LRRTM4: variants seen among roughly 807,000 people sequenced by gnomAD.
LRRTM4 encodes leucine-rich repeat transmembrane neuronal protein 4.
A neutral mutation model predicts 47.6 loss-of-function variants in LRRTM4; 25 were observed. The observed-to-expected ratio is 0.53, with a 90% CI of 0.38 to 0.73. LRRTM4 has a LOEUF of 0.73. Ranked by LOEUF, LRRTM4 falls within the 30% of genes least tolerant of loss-of-function variation. The pLI is 0.00. For missense variants in LRRTM4, 638 were observed against 713.4 expected (o/e 0.89, Z 1.20); for synonymous variants, 311 against 269.5 (o/e 1.15, Z -1.51).
rs1006228318 is a variant in LRRTM4 at position 76,812,742 on chromosome 2, C to T, written c.1552-63826G>A. Among the ~76,000 whole-genome samples the T allele has an allele frequency of 3.8e-5, 5 of 132,212 alleles. 1 individual carries two copies. The South Asian group carries it at 1.3e-3, about 36-fold the overall frequency. 86.7% of individuals were successfully genotyped at this position (132,212 alleles called of 152,430 possible). A position where few individuals can be genotyped will look rare whatever the true frequency, so the allele number is the denominator to read the frequency against. ...TCTTTCTCTTTTTCTCCTCCTCCTC[C>T]TCCTCTCCCTCCTTCTCCTCCTCCT... On this transcript the variant is annotated intron_variant, in intron 3 of 3. Coordinates refer to ENST00000409884, the MANE Select transcript of LRRTM4 (RefSeq NM_001134745.3).
chr2:77,513,223 T>C (rs896320476), intron 3 of LRRTM4, among the ~76,000 whole-genome samples: 1 of 152,190 alleles, frequency 6.6e-6, no homozygotes, highest in Non-Finnish European at 1.5e-5. Flanking sequence ...GCTGCTCACC[T>C]GGGCACCCCA....
intron 3 of LRRTM4, among the ~76,000 whole-genome samples, chr2:77,030,416 G>A (rs1678613290): frequency 6.6e-6 from 1 of 152,190 alleles, no homozygotes; most frequent in Admixed American, 6.5e-5. Flanking sequence ...CTGGGTTACA[G>A]AGCGAGGCTC....
At chr2:77,451,687 G>A (rs1483868977) in intron 3 of LRRTM4, among the ~76,000 whole-genome samples, 2 of 152,142 alleles carry the variant, frequency 1.3e-5, no homozygotes, top group East Asian at 3.9e-4. Context: ...TGCAGTAGGT[G>A]AAAACAACTA....
intron 3 of LRRTM4, among the ~76,000 whole-genome samples, chr2:77,354,029 C>G (rs1242794542): frequency 6.6e-6 from 1 of 152,154 alleles, no homozygotes; most frequent in Non-Finnish European, 1.5e-5. Context: ...TTTATACCCA[C>G]TTTTAATTAC....
chr2:76,946,630 C>G (rs1675332162), intron 3 of LRRTM4, among the ~76,000 whole-genome samples: 1 of 151,742 alleles, frequency 6.6e-6, no homozygotes, highest in African/African-American at 2.4e-5. Flanking sequence ...ATAATTTCTG[C>G]ATTGCCAGCT....
In LRRTM4 at chr2:76,765,234, A is replaced by G. The variant is rs556856235; in HGVS notation, c.1552-16318T>C. Among the ~76,000 whole-genome samples the G allele has an allele frequency of 3.2e-4, 49 of 152,320 alleles. 1 individual carries two copies. In the South Asian group the frequency reaches 8.5e-3, roughly 26 times the overall value. On this transcript the variant is annotated intron_variant, in intron 3 of 3. Coordinates refer to ENST00000409884, the MANE Select transcript of LRRTM4 (RefSeq NM_001134745.3). ...TACTTTGGAAGCACGTAATTTGTGTAGTTTCTCAGTTCACAGCTAGAGAGA... is the reference window on the plus strand; with the variant it reads ...TACTTTGGAAGCACGTAATTTGTGTGGTTTCTCAGTTCACAGCTAGAGAGA...
intron 3 of LRRTM4, among the ~76,000 whole-genome samples, chr2:77,321,804 G>C (rs1042642150): frequency 6.6e-6 from 1 of 152,032 alleles, no homozygotes. Context: ...TCAAAAATAT[G>C]GCAAGGTATT....
chr2:77,049,541 T>G (rs1156346556), intron 3 of LRRTM4, among the ~76,000 whole-genome samples: 1 of 151,962 alleles, frequency 6.6e-6, no homozygotes, highest in East Asian at 1.9e-4. Flanking sequence ...TCTCTGATGA[T>G]TATTGATATT....
intron 3 of LRRTM4, among the ~76,000 whole-genome samples, chr2:76,807,429 TATATATA>T (rs1670533069): frequency 1.0e-5 from 1 of 99,546 alleles, no homozygotes; most frequent in African/African-American, 5.6e-5. Flanking sequence ...TATATACATA[TATATATA>T]CGTATATACA....
intron 3 of LRRTM4, among the ~76,000 whole-genome samples, chr2:76,770,145 A>T (rs971593712): frequency 6.6e-6 from 1 of 152,222 alleles, no homozygotes; most frequent in African/African-American, 2.4e-5. Context: ...AAGTTTCAAA[A>T]AGGGGCTTAG....
chr2:76,803,332 T>A (rs544853295), intron 3 of LRRTM4, among the ~76,000 whole-genome samples: 1 of 152,068 alleles, frequency 6.6e-6, no homozygotes, highest in African/African-American at 2.4e-5. Flanking sequence ...AATAGCCAAT[T>A]AATATATGCA....
In LRRTM4 at chr2:76,846,647, G is replaced by C. The variant is rs1671846011; in HGVS notation, c.1552-97731C>G. On this transcript the variant is annotated intron_variant, in intron 3 of 3. Coordinates refer to ENST00000409884, the MANE Select transcript of LRRTM4 (RefSeq NM_001134745.3). ...AATATATATGGATAGTTGAATATCT[G>C]GTTGGTTTGCCTGCTTTACTCATTT... Among the ~76,000 whole-genome samples, 4 of 152,160 alleles carry C rather than the reference G, an allele frequency of 2.6e-5. No individual in the cohort carries two copies. In the South Asian group the frequency reaches 8.3e-4, roughly 32 times the overall value.
intron 3 of LRRTM4, among the ~76,000 whole-genome samples, chr2:76,906,871 G>C (rs527417886): frequency 1.3e-5 from 2 of 151,256 alleles, no homozygotes; most frequent in Non-Finnish European, 2.9e-5. Flanking sequence ...CCTACAAAGA[G>C]ACTTAGACTC....
intron 3 of LRRTM4, among the ~76,000 whole-genome samples, chr2:77,384,732 A>G (rs1673196446): frequency 1.3e-5 from 2 of 152,122 alleles, no homozygotes; most frequent in East Asian, 1.9e-4. Context: ...TGGTAAAAAG[A>G]CAAATCTGAA....
intron 3 of LRRTM4, among the ~76,000 whole-genome samples, chr2:77,466,698 G>T (rs1573452891): frequency 8.1e-6 from 1 of 122,858 alleles, no homozygotes; most frequent in Non-Finnish European, 1.6e-5. Context: ...TCAAACTATG[G>T]CAACTTTTTT....
intron 3 of LRRTM4, among the ~76,000 whole-genome samples, chr2:76,900,550 T>G (rs751463518): frequency 2.0e-5 from 3 of 152,308 alleles, no homozygotes; most frequent in Non-Finnish European, 4.4e-5. Flanking sequence ...TGGTATATTA[T>G]GGCTTTCTAT....
At chr2:77,450,835 A>T (rs1676227784) in intron 3 of LRRTM4, among the ~76,000 whole-genome samples, 1 of 152,162 alleles carries the variant, frequency 6.6e-6, no homozygotes, top group Non-Finnish European at 1.5e-5. Context: ...TATTTTATAT[A>T]TATATGTAGA....
At chr2:77,090,554 C>G (rs1179883346) in intron 3 of LRRTM4, among the ~76,000 whole-genome samples, 1 of 152,164 alleles carries the variant, frequency 6.6e-6, no homozygotes, top group Non-Finnish European at 1.5e-5. Context: ...CACTATGAGA[C>G]AAACCCCAGC....
intron 3 of LRRTM4, chr2:77,517,983 C>G (rs961694058): frequency 1.4e-5 from 14 of 1,035,482 alleles, no homozygotes; most frequent in Non-Finnish European, 1.6e-5. Flanking sequence ...AAGAACCAGA[C>G]AGAAATTTCA....
Sources: gnomAD v4.1 joint callset for allele counts (sites outside exome capture counted in the v4.1 genomes callset) on GRCh38, gnomAD v4.1.1 for gene constraint, MANE v1.5 for transcripts, NCBI Gene and HGNC (gene_info 2026-07-23, HGNC 2026-07-21) for gene names.